PRMT2: variants seen among roughly 807,000 people sequenced by gnomAD.
PRMT2 encodes protein arginine methyltransferase 2.
A neutral mutation model predicts 57.6 loss-of-function variants in PRMT2; 26 were observed. That is an observed-to-expected ratio of 0.45 (90% CI 0.33 to 0.63). PRMT2 has a LOEUF of 0.63. Among genes scored for constraint, PRMT2 ranks in the 20% least tolerant of loss-of-function variants. The probability of loss-of-function intolerance (pLI) is 0.02; values close to 1 mark genes in which losing one functional copy is unlikely to be tolerated. For missense variants in PRMT2, 472 were observed against 564.4 expected (o/e 0.84, Z 1.66); for synonymous variants, 219 against 220.0 (o/e 1.00, Z 0.04).
intron 8 of PRMT2, chr21:46,659,122 A>G: frequency 7.7e-7 from 1 of 1,306,838 alleles, no homozygotes; most frequent in Middle Eastern, 2.9e-4. Flanking sequence ...AGAGCAGGGT[A>G]GAATGCAAGG....
chr21:46,664,286 CT>C lies in PRMT2; in HGVS notation c.1270-4del. On this transcript the variant is annotated splice_polypyrimidine_tract_variant and splice_region_variant and intron_variant, in intron 11 of 11. Transcript: ENST00000355680. ...ATCTGATTGACCTGTTGTCATTTAT[CT>C]TTTTCAGGTTGGAGAAAAAGTCTTC... 1 of 1,604,708 alleles carries C rather than the reference CT, an allele frequency of 6.2e-7. No homozygotes were observed. The highest frequency in any genetic ancestry group is 8.5e-7 in the Non-Finnish European group (1 of 1,171,464).
At chr21:46,647,011 C>A (rs2061375202) in intron 5 of PRMT2, among the ~76,000 whole-genome samples, 1 of 152,178 alleles carries the variant, frequency 6.6e-6, no homozygotes, top group South Asian at 2.1e-4. Context: ...CCAAAGGTGG[C>A]CTCTTAATGC....
chr21:46,660,409 AT>A (rs1470865891), intron 8 of PRMT2, among the ~76,000 whole-genome samples: 2 of 152,190 alleles, frequency 1.3e-5, no homozygotes, highest in Non-Finnish European at 2.9e-5. Context: ...TACCGCGTTC[AT>A]TTACTGTTAA....
intron 9 of PRMT2, chr21:46,661,565 G>A (rs1322980020): frequency 2.4e-5 from 4 of 165,242 alleles, no homozygotes; most frequent in African/African-American, 4.0e-4. Context: ...AAAAGATTCC[G>A]CAGAATCTGG....
intron 8 of PRMT2, chr21:46,660,148 C>G (rs2061598932): frequency 1.8e-5 from 18 of 977,220 alleles, no homozygotes; most frequent in Non-Finnish European, 2.1e-5. Context: ...TTTGCTATTT[C>G]AGAAGTTACT....
At chr21:46,650,234 C>G (rs188808824) in intron 7 of PRMT2, among the ~76,000 whole-genome samples, 6 of 152,112 alleles carry the variant, frequency 3.9e-5, no homozygotes, top group African/African-American at 1.4e-4. Context: ...ATGCCCTGCA[C>G]AAACGCTGTC....
Position 46,659,010 on chromosome 21 carries a change from C to T in PRMT2, c.830+90C>T, listed in dbSNP as rs1211513915. 8.7e-6 allele frequency: 13 copies of T among 1,495,990 alleles called. No individual in the cohort carries two copies. In the East Asian group the frequency reaches 1.2e-4, roughly 14 times the overall value. 92.7% of individuals were successfully genotyped at this position (1,495,990 alleles called of 1,614,324 possible). ...GGCCAAGGCCCTGGGAGATCCCATACGACGGTTGGATAAATGAGGGTACCT... is the reference window on the plus strand; with the variant it reads ...GGCCAAGGCCCTGGGAGATCCCATATGACGGTTGGATAAATGAGGGTACCT... On this transcript the variant is annotated intron_variant, in intron 8 of 11. Transcript: ENST00000355680.
At chr21:46,653,616 T>A in intron 7 of PRMT2, 1 of 1,174,564 alleles carries the variant, frequency 8.5e-7, no homozygotes, top group Admixed American at 3.9e-5. Flanking sequence ...CTTTGCTTGA[T>A]GTTCATGTTT....
At chr21:46,635,821 A>G (rs1291622609) in intron 1 of PRMT2, 58 bp downstream of exon 1, 1 of 152,380 alleles carries the variant, frequency 6.6e-6, no homozygotes, top group Non-Finnish European at 1.5e-5. Context: ...AGGACAGGCC[A>G]GGTGAGGCGT....
At position 46,663,412 on chromosome 21, in the gene PRMT2, T is replaced by A. The variant is rs755014725; in HGVS notation, c.1127T>A (p.Met376Lys). Residue 376 changes from methionine (M) to lysine (K), a missense_variant, in exon 11 of 12, where the codon ATG becomes AAG. Physicochemically the swap from Met to Lys is moderately conservative, Grantham distance 95 (BLOSUM62 -1). Coordinates refer to ENST00000355680, the MANE Select transcript of PRMT2 (RefSeq NM_206962.4). Reference sequence around the variant, plus strand: ...ACACACTGGAAGCAGACGCTGTTCATGATGGACGACCCAGTCCCTGTCCAT... The same window carrying A: ...ACACACTGGAAGCAGACGCTGTTCAAGATGGACGACCCAGTCCCTGTCCAT... ...PTTHWKQTLF[M>K]MDDPVPVHTG... 6.2e-7 allele frequency: 1 copy of A among 1,613,982 alleles called. No individual in the cohort carries two copies. The highest frequency in any genetic ancestry group is 8.5e-7 in the Non-Finnish European group (1 of 1,179,854).
intron 3 of PRMT2, among the ~76,000 whole-genome samples, chr21:46,640,551 C>T (rs1157271615): frequency 1.3e-5 from 2 of 151,440 alleles, no homozygotes; most frequent in African/African-American, 4.9e-5. Context: ...ACACCATTCT[C>T]CTGCCTCAGC....
At position 46,664,393 on chromosome 21, in the gene PRMT2, G is replaced by T; in HGVS notation, c.*66G>T. On this transcript the variant is annotated 3_prime_UTR_variant, in exon 12 of 12. Coordinates refer to ENST00000355680, the MANE Select transcript of PRMT2 (RefSeq NM_206962.4). ...GGGGTGATGAACACAAGCAAACCAA[G>T]TTGCACCTGGCTTCTGCACACTCCT... 6.2e-7 allele frequency: 1 copy of T among 1,603,164 alleles called. No homozygotes were observed.
chr21:46,652,471 A>G, intron 7 of PRMT2: 1 of 985,488 alleles, frequency 1.0e-6, no homozygotes, highest in Non-Finnish European at 1.2e-6. Flanking sequence ...CTAGAAAGGC[A>G]GAGAAATGCC....
At chr21:46,651,675 G>A (rs1177018893) in intron 7 of PRMT2, 1 of 1,036,388 alleles carries the variant, frequency 9.6e-7, no homozygotes, top group Non-Finnish European at 1.4e-6. Context: ...CCCAGAACAG[G>A]GCAGACGGGG....
At position 46,648,419 on chromosome 21, in the gene PRMT2, A is replaced by G. The variant is rs1384527841; in HGVS notation, c.328-39A>G. Reference sequence around the variant, plus strand: ...TCAGTCCAGACCTCAGCATGGCTCTAGGTCACAGGCAGTGATTCTGAATGT... The same window carrying G: ...TCAGTCCAGACCTCAGCATGGCTCTGGGTCACAGGCAGTGATTCTGAATGT... On this transcript the variant is annotated intron_variant, in intron 5 of 11. Coordinates refer to ENST00000355680, the MANE Select transcript of PRMT2 (RefSeq NM_206962.4). The surrounding 1 kb of genome is among the most constrained non-coding windows in gnomAD (Gnocchi z 4.8). 1 of 1,607,724 alleles carries G rather than the reference A, an allele frequency of 6.2e-7. No homozygotes were observed. The highest frequency in any genetic ancestry group is 8.5e-7 in the Non-Finnish European group (1 of 1,176,112).
intron 7 of PRMT2, chr21:46,653,181 A>T (rs774070893): frequency 1.9e-5 from 19 of 985,422 alleles, no homozygotes; most frequent in Non-Finnish European, 2.2e-5. Context: ...AGCAAAAGAA[A>T]CAAAGTAACT....
At position 46,653,560 on chromosome 21, in the gene PRMT2, C is replaced by T. The variant is rs931279146; in HGVS notation, c.654+3821C>T. 9.6e-6 allele frequency: 10 copies of T among 1,036,860 alleles called. No individual in the cohort carries two copies. In the African/African-American group the frequency reaches 1.0e-4, roughly 11 times the overall value. 64.2% of individuals were successfully genotyped at this position (1,036,860 alleles called of 1,614,324 possible). ...ACCCTGCAGAGGCCACAACCAAGGC[C>T]GCCTGGCTTCCCAGTGGGACAGGCC... On this transcript the variant is annotated intron_variant, in intron 7 of 11. Coordinates refer to ENST00000355680, the MANE Select transcript of PRMT2 (RefSeq NM_206962.4).
intron 3 of PRMT2, among the ~76,000 whole-genome samples, chr21:46,637,867 T>C (rs1266578703): frequency 6.6e-6 from 1 of 152,142 alleles, no homozygotes; most frequent in Non-Finnish European, 1.5e-5. Context: ...AGCAGGAGAA[T>C]CACTTGGGGC....
At chr21:46,659,440 G>A (rs1455425794) in intron 8 of PRMT2, 1 of 985,554 alleles carries the variant, frequency 1.0e-6, no homozygotes, top group Non-Finnish European at 1.2e-6. Context: ...GAGAAATCAC[G>A]TGCTGTCAGG....
Sources: allele counts gnomAD v4.1 joint callset (sites outside exome capture counted in the v4.1 genomes callset), GRCh38; gene constraint gnomAD v4.1.1; non-coding constraint Gnocchi (gnomAD v3.1); transcripts MANE v1.5; gene names NCBI Gene and HGNC (gene_info 2026-07-23, HGNC 2026-07-21).